The following BANP variants were observed in gnomAD, a reference collection of about 807,000 sequenced individuals.
BANP encodes protein BANP.
Under a neutral mutation model 68.1 loss-of-function variants are expected in BANP, and 11 were observed. The observed-to-expected ratio is 0.16, with a 90% confidence interval of 0.10 to 0.27. The LOEUF is 0.27. Among genes scored for constraint, BANP ranks in the 10% least tolerant of loss-of-function variants. The pLI, the probability that BANP is intolerant of heterozygous loss-of-function variation, is 1.00. For synonymous variants in BANP, 329 were observed against 303.2 expected (o/e 1.09, Z -0.88); for missense variants, 504 against 722.7 (o/e 0.70, Z 3.47).
chr16:88,015,107 CTGCCTGTCCCT>C (rs2074203565), intron 6 of BANP, among the ~76,000 whole-genome samples: 1 of 5,912 alleles, frequency 1.7e-4, no homozygotes, highest in Non-Finnish European at 5.5e-4. Context: ...GCCCGTCCCT[CTGCCTGTCCCT>C]CTGCCTGTCC....
At chr16:87,968,484 CAA>C (rs67671706) in intron 1 of BANP, among the ~76,000 whole-genome samples, 1 of 128,666 alleles carries the variant, frequency 7.8e-6, no homozygotes. Context: ...AACTCTGTCT[CAA>C]AAAAAAAAAA....
intron 4 of BANP, among the ~76,000 whole-genome samples, chr16:87,993,412 C>T (rs527949374): frequency 5.3e-5 from 8 of 152,262 alleles, no homozygotes; most frequent in Admixed American, 1.3e-4. Context: ...TTCACTCATC[C>T]GTTTCCATCA....
At chr16:88,073,665 G>A (rs1239584897) in intron 13 of BANP, among the ~76,000 whole-genome samples, 2 of 152,170 alleles carry the variant, frequency 1.3e-5, no homozygotes, top group African/African-American at 4.8e-5. Flanking sequence ...AGCCCCTGCC[G>A]AGGACGCGTG....
At chr16:88,050,932 C>T (rs920380412) in intron 11 of BANP, among the ~76,000 whole-genome samples, 2 of 152,254 alleles carry the variant, frequency 1.3e-5, no homozygotes, top group Non-Finnish European at 2.9e-5. Context: ...AGCGATCCGC[C>T]TGCCTCAGCC....
intron 3 of BANP, among the ~76,000 whole-genome samples, chr16:87,982,414 A>T (rs910364577): frequency 2.6e-5 from 4 of 152,228 alleles, no homozygotes; most frequent in Admixed American, 2.6e-4. Flanking sequence ...TGTACTGTGT[A>T]AAGAATTTGA....
At chr16:88,040,427 C>T (rs575947687) in intron 11 of BANP, among the ~76,000 whole-genome samples, 47 of 152,174 alleles carry the variant, frequency 3.1e-4, no homozygotes, top group African/African-American at 9.2e-4. Context: ...TAAGAAGCCC[C>T]GAGCAGTGCG....
chr16:88,038,328 G>A (rs1016740437), intron 11 of BANP, among the ~76,000 whole-genome samples: 4 of 152,192 alleles, frequency 2.6e-5, no homozygotes, highest in African/African-American at 9.6e-5. Context: ...GCCTCTCAGT[G>A]TGAGCCCCAG....
chr16:87,978,115 C>T (rs1241934184), intron 2 of BANP, among the ~76,000 whole-genome samples: 1 of 152,184 alleles, frequency 6.6e-6, no homozygotes, highest in African/African-American at 2.4e-5. Context: ...GGATTATAGG[C>T]GTGAGCCACC....
intron 1 of BANP, among the ~76,000 whole-genome samples, chr16:87,972,507 TC>T (rs1266150371): frequency 6.6e-6 from 1 of 152,122 alleles, no homozygotes; most frequent in Non-Finnish European, 1.5e-5. Flanking sequence ...TTATTTTGCT[TC>T]TTATTCTTTT....
intron 11 of BANP, among the ~76,000 whole-genome samples, chr16:88,053,592 C>T (rs974830924): frequency 5.4e-5 from 8 of 147,772 alleles, no homozygotes; most frequent in Admixed American, 3.3e-4. Flanking sequence ...TCATCATCAC[C>T]AACACAACCA....
chr16:87,983,231 G>GGC (rs139249699), intron 3 of BANP, among the ~76,000 whole-genome samples: 4,391 of 152,234 alleles, frequency 0.029, 213 homozygotes, highest in African/African-American at 0.1. Flanking sequence ...AGGGCTGGTG[G>GGC]GCGCTCCCCC....
At chr16:88,063,464 C>T (rs1356316887) in intron 11 of BANP, among the ~76,000 whole-genome samples, 1 of 152,200 alleles carries the variant, frequency 6.6e-6, no homozygotes, top group Non-Finnish European at 1.5e-5. Context: ...AACAATCCAC[C>T]AGGTCCATAG....
rs560536121 is a variant in BANP at position 88,030,739 on chromosome 16, C to G, written c.1064-2370C>G. ...GGCTGCGCTGGTAGGCAGGAGCTTC[C>G]TCGGAGCCCTTGTGGTTGCAAGGTG... On this transcript the variant is annotated intron_variant, in intron 8 of 13. Transcript: ENST00000682872. Among the ~76,000 whole-genome samples, 7 of 152,314 alleles carry G rather than the reference C, an allele frequency of 4.6e-5. No homozygotes were observed. The South Asian group carries it at 1.2e-3, about 27-fold the overall frequency.
chr16:87,951,970 T>A (rs1401094922), intron 1 of BANP, among the ~76,000 whole-genome samples: 1 of 152,022 alleles, frequency 6.6e-6, no homozygotes, highest in East Asian at 1.9e-4. Flanking sequence ...TTTTTGTGCC[T>A]CCTCCGTGGC....
intron 11 of BANP, among the ~76,000 whole-genome samples, chr16:88,063,624 A>G (rs1194061027): frequency 1.3e-5 from 2 of 152,114 alleles, no homozygotes; most frequent in African/African-American, 4.8e-5. Context: ...CGAGTTTCAG[A>G]TCCGATCACA....
At chr16:88,026,365 C>G (rs1375402964) in intron 7 of BANP, among the ~76,000 whole-genome samples, 1 of 152,192 alleles carries the variant, frequency 6.6e-6, no homozygotes, top group Non-Finnish European at 1.5e-5. Flanking sequence ...ATGACATAAG[C>G]AAGCCCCGGA....
At chr16:87,995,937 G>A (rs1342492521) in intron 4 of BANP, among the ~76,000 whole-genome samples, 5 of 152,386 alleles carry the variant, frequency 3.3e-5, no homozygotes, top group African/African-American at 9.6e-5. Flanking sequence ...CTTGCTGAGC[G>A]TTCAGTGCAG....
intron 11 of BANP, among the ~76,000 whole-genome samples, chr16:88,053,178 T>TACC (rs1402424259): frequency 6.9e-6 from 1 of 145,174 alleles, no homozygotes; most frequent in South Asian, 2.2e-4. Flanking sequence ...TAACAAACAC[T>TACC]ACCACCACCA....
chr16:88,029,698 G>A (rs528632788), intron 8 of BANP, among the ~76,000 whole-genome samples: 1 of 152,156 alleles, frequency 6.6e-6, no homozygotes, highest in Admixed American at 6.5e-5. Flanking sequence ...ATTGAAATCT[G>A]GACAAAATTT....
Sources: gnomAD v4.1 joint callset for allele counts (sites outside exome capture counted in the v4.1 genomes callset) on GRCh38, gnomAD v4.1.1 for gene constraint, MANE v1.5 for transcripts, NCBI Gene and HGNC (gene_info 2026-07-23, HGNC 2026-07-21) for gene names.